Variants in MLKL observed in about 807,000 individuals in gnomAD.
The protein encoded by MLKL is mixed lineage kinase domain like pseudokinase, also known as mixed lineage kinase domain-like protein.
Under a neutral mutation model 56.5 loss-of-function variants are expected in MLKL, and 55 were observed. The ratio of observed to expected loss-of-function variants is 0.97; its 90% CI spans 0.78 to 1.22. The LOEUF (loss-of-function observed/expected upper bound fraction) is 1.22. MLKL is among the 50% of genes most tolerant of loss of function. MLKL has a pLI of 0.00. For synonymous variants in MLKL, 251 were observed against 208.3 expected, an observed-to-expected ratio of 1.20 and a Z score of -1.76; for missense variants, 694 against 573.9, an observed-to-expected ratio of 1.21 and a Z score of -2.14.
rs755943569 is a variant in MLKL at position 74,682,664 on chromosome 16, G to A, written c.943C>T (p.Arg315Ter). 14 of 1,613,886 alleles carry A rather than the reference G, an allele frequency of 8.7e-6. No individual in the cohort carries two copies. Among genetic ancestry groups the A allele is most frequent in the East Asian group, 4.5e-5 (2 of 44,892 alleles). ...ACCCCGTCTTACCGGTATAGGCCTC[G>A]GGCTGCCCCCAGGACTAGGACCATG... is the stretch of plus-strand genomic sequence containing the variant. Reference protein sequence around the residue: ...KRMVLVLGAARGLYRLHHSEA... With the variant: ...KRMVLVLGAA Residue 315 changes from arginine (R) to a stop codon, truncating the protein, a stop_gained, in exon 6 of 11, where the codon CGA (arginine) becomes TGA (stop). Coordinates refer to ENST00000308807, the MANE Select transcript of MLKL (RefSeq NM_152649.4). LOFTEE classifies it high-confidence loss of function.
At chr16:74,692,264 C>T (rs1050172078) in intron 3 of MLKL, 78 bp downstream of exon 3, 37 of 1,285,772 alleles carry the variant, frequency 2.9e-5, no homozygotes, top group Admixed American at 5.6e-5. Context: ...GCAGGGGTAG[C>T]GGGAGGCTGG....
chr16:74,690,907 G>T (rs1960629881), intron 4 of MLKL, among the ~76,000 whole-genome samples: 1 of 151,740 alleles, frequency 6.6e-6, no homozygotes, highest in Non-Finnish European at 1.5e-5. Flanking sequence ...AGTGAGGAAA[G>T]GAGGCAACAG....
At position 74,675,008 on chromosome 16, in the gene MLKL, T is replaced by G. The variant is rs145153968; in HGVS notation, c.1333A>C (p.Ile445Leu). 1.8e-4 allele frequency: 290 copies of G among 1,614,192 alleles called. 1 individual carries two copies. The African/African-American group carries it at 3.7e-3, about 20-fold the overall frequency. The change falls in exon 10 of 11, where the codon ATT becomes CTT. Residue 445 changes from isoleucine to leucine, a missense_variant. By Grantham distance (5) the Ile-to-Leu change is conservative. Transcript: ENST00000308807. ...EDCPSELREI[I>L]DECRAHDPSV... is the part of the protein sequence containing the mutation. ...GGATCATGGGCCCGGCACTCATCAA[T>G]GATCTCCCGCAGCTCTGAAGGGCAG...
chr16:74,688,615 G>GA (rs1430081128), intron 4 of MLKL, among the ~76,000 whole-genome samples: 4 of 152,098 alleles, frequency 2.6e-5, no homozygotes, highest in Non-Finnish European at 5.9e-5. Context: ...TCGGGAGGCT[G>GA]AGGCATGAGA....
rs1959498240 is a variant in MLKL at position 74,675,019 on chromosome 16, A to G, written c.1322T>C (p.Leu441Pro). ...EPLGEDCPSELREIIDECRAH... is the reference protein window; with the variant it reads ...EPLGEDCPSEPREIIDECRAH... Reference sequence around the variant, plus strand: ...CCGGCACTCATCAATGATCTCCCGCAGCTCTGAAGGGCAGTCTTCACCCAG... The same window carrying G: ...CCGGCACTCATCAATGATCTCCCGCGGCTCTGAAGGGCAGTCTTCACCCAG... Residue 441 changes from leucine to proline, a missense_variant, in exon 10 of 11, where the codon CTG (leucine) becomes CCG (proline). By Grantham distance (98) the Leu-to-Pro change is moderately conservative. Coordinates refer to ENST00000308807, the MANE Select transcript of MLKL (RefSeq NM_152649.4). 1 of 1,614,080 alleles carries G rather than the reference A, an allele frequency of 6.2e-7. No individual in the cohort carries two copies. Among genetic ancestry groups the G allele is most frequent in the South Asian group, 1.1e-5 (1 of 91,088 alleles).
chr16:74,679,056 C>T (rs914540944), intron 6 of MLKL, 76 bp from the exon 7 acceptor site: 3 of 1,173,192 alleles, frequency 2.6e-6, no homozygotes, highest in Non-Finnish European at 3.8e-6. Context: ...CATAACTGGG[C>T]TGATGAGGCT....
Position 74,692,379 on chromosome 16 carries a change from T to A in MLKL, c.498A>T (p.Glu166Asp). 6.2e-7 allele frequency: 1 copy of A among 1,614,054 alleles called. No individual in the cohort carries two copies. The highest frequency in any genetic ancestry group is 1.1e-5 in the South Asian group (1 of 91,018). The change falls in exon 3 of 11, where the codon GAA (glutamate) becomes GAT (aspartate). Residue 166 changes from glutamate (E) to aspartate (D), a missense_variant. Transcript: ENST00000308807. ...TTTCCTTGATTTCTTTCATGTTGAT[T>A]TCTAATCGTCTCAGTGAAGCTTCTA... ...EKIEASLRRL[E>D]INMKEIKETL...
intron 2 of MLKL, 132 bp downstream of exon 2, chr16:74,695,166 C>T: frequency 1.0e-6 from 1 of 986,278 alleles, no homozygotes; most frequent in Non-Finnish European, 1.5e-6. Context: ...GCCATCGCGC[C>T]CAGCTAGGAG....
Position 74,695,417 on chromosome 16 carries a change from A to C in MLKL, c.341T>G (p.Leu114Arg). 1 of 1,614,248 alleles carries C rather than the reference A, an allele frequency of 6.2e-7. No homozygotes were observed. Among genetic ancestry groups the C allele is most frequent in the Non-Finnish European group, 8.5e-7 (1 of 1,180,050 alleles). ...KLSDVWKELSLLLQVEQRMPV... is the reference protein window; with the variant it reads ...KLSDVWKELSRLLQVEQRMPV... ...CATGCGTTGCTCAACCTGAAGTAAC[A>C]GCGAGAGCTCCTTCCAGACATCACT... The change falls in exon 2 of 11, where the codon CTG becomes CGG. Residue 114 changes from leucine to arginine, a missense_variant. Transcript: ENST00000308807.
intron 1 of MLKL, among the ~76,000 whole-genome samples, chr16:74,698,530 T>C (rs761969829): frequency 3.3e-5 from 5 of 152,206 alleles, no homozygotes; most frequent in Non-Finnish European, 7.3e-5. Flanking sequence ...TACCCAGCTA[T>C]TCCCACGTGC....
intron 7 of MLKL, chr16:74,677,419 A>C (rs2144458598): frequency 6.6e-6 from 1 of 152,386 alleles, no homozygotes; most frequent in Non-Finnish European, 1.5e-5. Flanking sequence ...TGGCGTAAAC[A>C]TAGCTCCCTG....
intron 2 of MLKL, among the ~76,000 whole-genome samples, chr16:74,692,902 A>T (rs1175975199): frequency 6.6e-6 from 1 of 152,228 alleles, no homozygotes; most frequent in Non-Finnish European, 1.5e-5. Context: ...ACTCAGAAAC[A>T]TGTTTGAAAA....
intron 3 of MLKL, 47 bp from the exon 4 acceptor site, chr16:74,691,510 G>A: frequency 6.3e-7 from 1 of 1,579,402 alleles, no homozygotes; most frequent in South Asian, 1.1e-5. Context: ...TCAATGAGCA[G>A]AGGAAGGGGT....
intron 6 of MLKL, among the ~76,000 whole-genome samples, chr16:74,680,207 G>A (rs190660688): frequency 7.2e-5 from 11 of 152,310 alleles, no homozygotes; most frequent in Admixed American, 6.5e-4. Context: ...CCGAGAGGGG[G>A]ATGGGTAAAT....
chr16:74,691,728 C>T (rs1413805534), intron 3 of MLKL, among the ~76,000 whole-genome samples: 5 of 152,172 alleles, frequency 3.3e-5, no homozygotes, highest in African/African-American at 1.2e-4. Flanking sequence ...GTCCCTCCAG[C>T]CTTAACCCTC....
chr16:74,673,239 A>T (rs1959341848), intron 10 of MLKL, among the ~76,000 whole-genome samples: 1 of 152,138 alleles, frequency 6.6e-6, no homozygotes, highest in African/African-American at 2.4e-5. Context: ...CTCTTTTGAG[A>T]CAGAGTCTTG....
rs1365061830 is a variant in MLKL, at chr16:74,691,443, G to C, written c.556C>G (p.Gln186Glu). The C allele has an allele frequency of 2.5e-6, 4 of 1,613,514 alleles. No homozygotes were observed. The highest frequency in any genetic ancestry group is 3.4e-6 in the Non-Finnish European group (4 of 1,179,902). ...TTGATTTGCTCTTGCGGGATCTCCTGCATGCATTTTGGTGGTAAATCTGAC... is the reference window on the plus strand; with the variant it reads ...TTGATTTGCTCTTGCGGGATCTCCTCCATGCATTTTGGTGGTAAATCTGAC... Reference protein sequence around the residue: ...LRQYLPPKCMQEIPQEQIKEI... With the variant: ...LRQYLPPKCMEEIPQEQIKEI... Residue 186 changes from glutamine to glutamate, a missense_variant, in exon 4 of 11, where the codon CAG becomes GAG. Gln to Glu is a conservative substitution (Grantham distance 29, BLOSUM62 2). Transcript: ENST00000308807.
rs374860570 is a variant in MLKL, at chr16:74,675,422, A to C, written c.1191-18T>G. On this transcript the variant is annotated intron_variant, in intron 8 of 10. Transcript: ENST00000308807. ...TTCCAAAGCTAAAAGAAAACCAAGAAACTGAACAACCATAACTAGTCTCCC... is the reference window on the plus strand; with the variant it reads ...TTCCAAAGCTAAAAGAAAACCAAGACACTGAACAACCATAACTAGTCTCCC... 12 of 1,612,414 alleles carry C rather than the reference A, an allele frequency of 7.4e-6. No homozygotes were observed. The highest frequency in any genetic ancestry group is 9.3e-6 in the Non-Finnish European group (11 of 1,179,748).
chr16:74,672,737 T>G (rs182868025), intron 10 of MLKL, among the ~76,000 whole-genome samples, 199 bp from the exon 11 acceptor site: 2 of 152,154 alleles, frequency 1.3e-5, no homozygotes, highest in Non-Finnish European at 2.9e-5. Flanking sequence ...CACAAACACC[T>G]CACAGGAGGG....
Sources: gnomAD v4.1 joint callset for allele counts (sites outside exome capture counted in the v4.1 genomes callset) on GRCh38, gnomAD v4.1.1 for gene constraint, MANE v1.5 for transcripts, NCBI Gene and HGNC (gene_info 2026-07-23, HGNC 2026-07-21) for gene names.